The following PPP1R3A variants were observed in gnomAD, a reference collection of about 807,000 sequenced individuals.
The protein encoded by PPP1R3A is RG1.
Under a neutral mutation model 41.7 loss-of-function variants are expected in PPP1R3A, and 29 were observed. The ratio of observed to expected loss-of-function variants is 0.70; its 90% confidence interval spans 0.52 to 0.95. The LOEUF is 0.95. Among genes scored for constraint, PPP1R3A ranks in the 40% least tolerant of loss-of-function variants. The probability of loss-of-function intolerance (pLI) is 0.00; values close to 1 mark genes in which losing one functional copy is unlikely to be tolerated. For missense variants in PPP1R3A, 1,352 were observed against 1,292.4 expected (o/e 1.05, Z -0.71); for synonymous variants, 485 against 453.4 (o/e 1.07, Z -0.89).
chr7:113,891,095 A>AAC (rs1796876943), intron 1 of PPP1R3A, among the ~76,000 whole-genome samples: 2 of 148,736 alleles, frequency 1.3e-5, no homozygotes, highest in Non-Finnish European at 3.0e-5. Flanking sequence ...AAAAAAAAAA[A>AAC]AAAAAAAAAA....
intron 1 of PPP1R3A, among the ~76,000 whole-genome samples, chr7:113,890,384 C>G (rs969993718): frequency 1.3e-5 from 2 of 151,950 alleles, no homozygotes; most frequent in African/African-American, 4.8e-5. Flanking sequence ...AAAATTGGAT[C>G]TACTGAATCA....
At position 113,877,633 on chromosome 7, in the gene PPP1R3A, G is replaced by T; in HGVS notation, c.*90C>A. 1 of 1,415,276 alleles carries T rather than the reference G, an allele frequency of 7.1e-7. No individual in the cohort carries two copies. Among genetic ancestry groups the T allele is most frequent in the Non-Finnish European group, 9.5e-7 (1 of 1,053,268 alleles). 87.7% of individuals were successfully genotyped at this position (1,415,276 alleles called of 1,614,324 possible). On this transcript the variant is annotated 3_prime_UTR_variant, in exon 4 of 4. Coordinates refer to ENST00000284601, the MANE Select transcript of PPP1R3A (RefSeq NM_002711.4). ...GATCCTTCAAGAGAAAAACTGCACTGGATCTTTGAACAATGAATAGTCCCA... is the reference window on the plus strand; with the variant it reads ...GATCCTTCAAGAGAAAAACTGCACTTGATCTTTGAACAATGAATAGTCCCA...
chr7:113,897,964 T>C (rs1256415571), intron 1 of PPP1R3A, among the ~76,000 whole-genome samples: 1 of 151,764 alleles, frequency 6.6e-6, no homozygotes, highest in Non-Finnish European at 1.5e-5. Context: ...TGCAGTTATG[T>C]TGATAAGGAT....
At chr7:113,892,898 G>A (rs1452133747) in intron 1 of PPP1R3A, among the ~76,000 whole-genome samples, 1 of 152,002 alleles carries the variant, frequency 6.6e-6, no homozygotes, top group African/African-American at 2.4e-5. Flanking sequence ...ACATCGTTTT[G>A]TTTTGGTTTT....
chr7:113,889,956 TG>T (rs1796850516), intron 1 of PPP1R3A, among the ~76,000 whole-genome samples: 2 of 151,500 alleles, frequency 1.3e-5, no homozygotes, highest in Admixed American at 1.3e-4. Context: ...AGGAACAGAG[TG>T]GGGTAGGAAT....
chr7:113,894,933 G>A (rs1796952931), intron 1 of PPP1R3A, among the ~76,000 whole-genome samples: 2 of 151,944 alleles, frequency 1.3e-5, no homozygotes, highest in Non-Finnish European at 2.9e-5. Flanking sequence ...GGAAGAGTTT[G>A]GAGAAGGAAT....
chr7:113,888,133 A>G (rs1351489301), intron 1 of PPP1R3A, among the ~76,000 whole-genome samples: 1 of 152,108 alleles, frequency 6.6e-6, no homozygotes, highest in Admixed American at 6.6e-5. Flanking sequence ...GTAGAATGAG[A>G]ATTAGTTCAA....
At chr7:113,897,359 A>G (rs1252793459) in intron 1 of PPP1R3A, among the ~76,000 whole-genome samples, 2 of 151,810 alleles carry the variant, frequency 1.3e-5, no homozygotes, top group Non-Finnish European at 2.9e-5. Flanking sequence ...CTCTTTAAAT[A>G]TGAGGTAATA....
chr7:113,905,622 G>A (rs1277156589), intron 1 of PPP1R3A, among the ~76,000 whole-genome samples: 1 of 151,758 alleles, frequency 6.6e-6, no homozygotes, highest in Non-Finnish European at 1.5e-5. Context: ...ATTTTTGTAG[G>A]TCTTGAGTTG....
Position 113,879,164 on chromosome 7 carries a change from G to C in PPP1R3A, c.1928C>G (p.Ser643Cys), listed in dbSNP as rs1487076078. 1.2e-6 allele frequency: 2 copies of C among 1,613,558 alleles called. No homozygotes were observed. Among genetic ancestry groups the C allele is most frequent in the Admixed American group, 1.7e-5 (1 of 59,856 alleles). The change falls in exon 4 of 4, where the codon TCT (serine) becomes TGT (cysteine). Residue 643 changes from serine to cysteine, a missense_variant. Coordinates refer to ENST00000284601, the MANE Select transcript of PPP1R3A (RefSeq NM_002711.4). ...CTGTGGGCTATTATCCTGATCTTCA[G>C]AATTAATCCCACCTGATTTTTCTTC... The part of the protein sequence containing the change: ...QVEEKSGGIN[S>C]EDQDNSPQHK...
chr7:113,879,351 C>G lies in PPP1R3A; in HGVS notation c.1741G>C (p.Val581Leu), dbSNP rs758192762. 19 of 1,613,636 alleles carry G rather than the reference C, an allele frequency of 1.2e-5. No homozygotes were observed. In the South Asian group the frequency reaches 1.8e-4, roughly 15 times the overall value. ...AIPTRAITAD[V>L]SHSPRTNLSW... ...AAATTTGTCCTTGGTGAATGAGACA[C>G]ATCTGCTGTGATTGCCCGGGTGGGG... The change falls in exon 4 of 4, where the codon GTG becomes CTG. Residue 581 changes from valine to leucine, a missense_variant. Val to Leu is a conservative substitution (Grantham distance 32, BLOSUM62 1). Coordinates refer to ENST00000284601, the MANE Select transcript of PPP1R3A (RefSeq NM_002711.4).
At chr7:113,912,305 C>A (rs1393540558) in intron 1 of PPP1R3A, among the ~76,000 whole-genome samples, 1 of 152,068 alleles carries the variant, frequency 6.6e-6, no homozygotes, top group East Asian at 1.9e-4. Flanking sequence ...GTGCAACTGA[C>A]CTCAATGGGT....
chr7:113,890,296 C>A (rs1389003865), intron 1 of PPP1R3A, among the ~76,000 whole-genome samples: 1 of 152,104 alleles, frequency 6.6e-6, no homozygotes, highest in Non-Finnish European at 1.5e-5. Flanking sequence ...GAAATCGGAT[C>A]TACTGCATCA....
At chr7:113,882,345 A>C (rs758391716) in intron 1 of PPP1R3A, 25 bp from the exon 2 acceptor site, 1 of 1,372,376 alleles carries the variant, frequency 7.3e-7, no homozygotes, top group South Asian at 1.2e-5. Context: ...AGAAAATGTT[A>C]TATGTTTTTC....
In PPP1R3A at chr7:113,880,017, T is replaced by G. The variant is rs1796661150; in HGVS notation, c.1075A>C (p.Lys359Gln). The part of the protein sequence containing the change: ...FPNKAEGLEK[K>Q]QIHGEICTDL... ...GTACATATTTCACCATGGATTTGCT[T>G]CTTCTCTAACCCCTCTGCTTTATTT... Residue 359 changes from lysine to glutamine, a missense_variant, in exon 4 of 4, where the codon AAG becomes CAG. By Grantham distance (53) the Lys-to-Gln change is moderately conservative. Transcript: ENST00000284601. 6.2e-7 allele frequency: 1 copy of G among 1,612,578 alleles called. No individual in the cohort carries two copies. Among genetic ancestry groups the G allele is most frequent in the East Asian group, 2.2e-5 (1 of 44,776 alleles).
rs1797382701 is a variant in PPP1R3A at position 113,918,648 on chromosome 7, C to T, written c.349G>A (p.Glu117Lys). 3 of 1,613,548 alleles carry T rather than the reference C, an allele frequency of 1.9e-6. No individual in the cohort carries two copies. Among genetic ancestry groups the T allele is most frequent in the African/African-American group, 2.7e-5 (2 of 74,886 alleles). ...ATTTGGAGTTGTTGCATAAGATCTTCTTTTGAAGAAGGCAAGTCAAACAGT... is the reference window on the plus strand; with the variant it reads ...ATTTGGAGTTGTTGCATAAGATCTTTTTTTGAAGAAGGCAAGTCAAACAGT... ...APLFDLPSSK[E>K]DLMQQLQIQK... Residue 117 changes from glutamate (E) to lysine (K), a missense_variant, in exon 1 of 4, where the codon GAA becomes AAA. Transcript: ENST00000284601.
chr7:113,902,446 T>C (rs1797081747), intron 1 of PPP1R3A, among the ~76,000 whole-genome samples: 1 of 151,882 alleles, frequency 6.6e-6, no homozygotes. Flanking sequence ...ACATCTCCAC[T>C]TGGATAAAGA....
In PPP1R3A at chr7:113,879,281, G is replaced by T. The variant is rs765956990; in HGVS notation, c.1811C>A (p.Thr604Asn). The T allele has an allele frequency of 4.3e-6, 7 of 1,613,636 alleles. No homozygotes were observed. In the East Asian group the frequency reaches 1.1e-4, roughly 26 times the overall value. Residue 604 changes from threonine (T) to asparagine (N), a missense_variant, in exon 4 of 4, where the codon ACT becomes AAT. Physicochemically the swap from Thr to Asn is moderately conservative, Grantham distance 65. Transcript: ENST00000284601. ...CCCTCCTAAAGCGCTGCCTTCACTA[G>T]TCAAATGATGATGCTCTGGGGTTAA... Reference protein sequence around the residue: ...AVLTPEHHHLTSEGSALGGIT... With the variant: ...AVLTPEHHHLNSEGSALGGIT...
intron 1 of PPP1R3A, among the ~76,000 whole-genome samples, chr7:113,904,784 T>C (rs1421165377): frequency 6.6e-6 from 1 of 151,760 alleles, no homozygotes; most frequent in Non-Finnish European, 1.5e-5. Flanking sequence ...AATTATATTC[T>C]ATTGTACTAA....
Sources: allele counts gnomAD v4.1 joint callset (sites outside exome capture counted in the v4.1 genomes callset), GRCh38; gene constraint gnomAD v4.1.1; transcripts MANE v1.5; gene names NCBI Gene and HGNC (gene_info 2026-07-23, HGNC 2026-07-21).